SEMA6D: variants seen among roughly 807,000 people sequenced by gnomAD.
SEMA6D encodes semaphorin-6D.
A neutral mutation model predicts 106.6 loss-of-function variants in SEMA6D; 35 were observed. The ratio of observed to expected loss-of-function variants is 0.33; its 90% CI spans 0.25 to 0.44. SEMA6D has a LOEUF of 0.44. Ranked by LOEUF, SEMA6D falls within the 20% of genes least tolerant of loss-of-function variation. The probability of loss-of-function intolerance (pLI) is 1.00; values close to 1 mark genes in which losing one functional copy is unlikely to be tolerated. For synonymous variants in SEMA6D, 499 were observed against 487.7 expected, an observed-to-expected ratio of 1.02 and a Z score of -0.31; for missense variants, 1,185 against 1,345.9, an observed-to-expected ratio of 0.88 and a Z score of 1.87.
intron 1 of SEMA6D, among the ~76,000 whole-genome samples, chr15:47,361,128 C>A (rs1248879983): frequency 6.6e-6 from 1 of 152,216 alleles, no homozygotes; most frequent in South Asian, 2.1e-4. Flanking sequence ...TCTCTTCCTT[C>A]TTCCTTTCTT....
chr15:47,476,832 T>G (rs764755205), intron 3 of SEMA6D, among the ~76,000 whole-genome samples: 10 of 152,160 alleles, frequency 6.6e-5, no homozygotes, highest in Non-Finnish European at 1.3e-4. Context: ...CCCCTGTACT[T>G]CCCTCCTTTT....
intron 1 of SEMA6D, among the ~76,000 whole-genome samples, chr15:47,372,091 T>C (rs1014635136): frequency 2.0e-5 from 3 of 152,188 alleles, no homozygotes; most frequent in African/African-American, 7.2e-5. Context: ...TTCAGTTTCA[T>C]CCCCAGTCCT....
At chr15:47,470,220 TA>T (rs1567102344) in intron 2 of SEMA6D, among the ~76,000 whole-genome samples, 1 of 152,200 alleles carries the variant, frequency 6.6e-6, no homozygotes. Flanking sequence ...TTGTTCCACC[TA>T]ATGGTCTTGC....
intron 3 of SEMA6D, among the ~76,000 whole-genome samples, chr15:47,508,869 A>G (rs956850735): frequency 6.6e-6 from 1 of 152,238 alleles, no homozygotes; most frequent in African/African-American, 2.4e-5. Context: ...AACAGAGATA[A>G]TAAACATTCC....
chr15:47,549,215 A>T (rs1330741741), intron 3 of SEMA6D, among the ~76,000 whole-genome samples: 8 of 152,140 alleles, frequency 5.3e-5, no homozygotes, highest in African/African-American at 1.9e-4. Flanking sequence ...GGGAATGGGG[A>T]TGGAGGCCCC....
At chr15:47,348,727 C>CCACACAGAGAGAGAGAGAGAGAG (rs1555425939) in intron 1 of SEMA6D, among the ~76,000 whole-genome samples, 20 of 57,114 alleles carry the variant, frequency 3.5e-4, no homozygotes, top group Admixed American at 9.6e-4. Context: ...ACCACACACA[C>CCACACAGAGAGAGAGAGAGAGAG]AGAGAGAGAG....
intron 1 of SEMA6D, among the ~76,000 whole-genome samples, chr15:47,221,301 C>G (rs372680455): frequency 6.6e-6 from 1 of 152,236 alleles, no homozygotes; most frequent in African/African-American, 2.4e-5. Flanking sequence ...CCCCATGGCT[C>G]CAGCTCCCCC....
chr15:47,587,818 C>G (rs1258850933), intron 3 of SEMA6D, among the ~76,000 whole-genome samples: 1 of 150,462 alleles, frequency 6.6e-6, no homozygotes, highest in Non-Finnish European at 1.5e-5. Flanking sequence ...TGAGATGTCA[C>G]TTTGACATTT....
intron 1 of SEMA6D, among the ~76,000 whole-genome samples, chr15:47,279,747 A>G (rs1257864576): frequency 2.6e-5 from 4 of 151,942 alleles, no homozygotes; most frequent in Admixed American, 1.3e-4. Flanking sequence ...GGGTTGTTGA[A>G]TTTTGTCAAA....
chr15:47,556,319 T>C (rs2045914792), intron 3 of SEMA6D, among the ~76,000 whole-genome samples: 1 of 152,188 alleles, frequency 6.6e-6, no homozygotes, highest in Admixed American at 6.6e-5. Context: ...ATTTTTCTAG[T>C]TGTAATCATA....
intron 18 of SEMA6D, among the ~76,000 whole-genome samples, chr15:47,769,763 A>T (rs974555598): frequency 1.3e-5 from 2 of 152,294 alleles, no homozygotes; most frequent in Middle Eastern, 3.4e-3. Context: ...CAGTAATTAT[A>T]AACTAATTTG....
At chr15:47,292,748 A>T (rs1359051260) in intron 1 of SEMA6D, among the ~76,000 whole-genome samples, 1 of 152,216 alleles carries the variant, frequency 6.6e-6, no homozygotes, top group African/African-American at 2.4e-5. Flanking sequence ...GACTGGTGTC[A>T]TCCATCCCAG....
intron 2 of SEMA6D, among the ~76,000 whole-genome samples, chr15:47,460,089 G>C (rs757652740): frequency 1.1e-4 from 16 of 151,942 alleles, no homozygotes; most frequent in Non-Finnish European, 2.2e-4. Context: ...GCTAGGTGAG[G>C]TTAAAGTCAT....
At chr15:47,599,108 G>C (rs1199683609) in intron 3 of SEMA6D, among the ~76,000 whole-genome samples, 1 of 152,074 alleles carries the variant, frequency 6.6e-6, no homozygotes, top group Non-Finnish European at 1.5e-5. Flanking sequence ...GAGCAGGCTA[G>C]AGCTCAGGAA....
At chr15:47,486,973 G>A (rs1036654055) in intron 3 of SEMA6D, among the ~76,000 whole-genome samples, 12 of 152,292 alleles carry the variant, frequency 7.9e-5, no homozygotes, top group African/African-American at 2.9e-4. Flanking sequence ...GGCAACTACT[G>A]TGTAACAGGC....
intron 3 of SEMA6D, among the ~76,000 whole-genome samples, chr15:47,495,228 G>C (rs1596150233): frequency 6.6e-6 from 1 of 151,870 alleles, no homozygotes; most frequent in Non-Finnish European, 1.5e-5. Context: ...TGTGTATTCA[G>C]AGAAGGAATG....
At chr15:47,231,313 C>T (rs1236590955) in intron 1 of SEMA6D, among the ~76,000 whole-genome samples, 1 of 151,978 alleles carries the variant, frequency 6.6e-6, no homozygotes, top group East Asian at 1.9e-4. Context: ...ACACCAAAAC[C>T]AGCTTTTCAT....
intron 1 of SEMA6D, among the ~76,000 whole-genome samples, chr15:47,261,481 TCTCAG>T (rs1235909152): frequency 3.3e-5 from 5 of 152,188 alleles, no homozygotes; most frequent in African/African-American, 1.2e-4. Flanking sequence ...ATGCATTTGG[TCTCAG>T]CTCTGTTTTA....
chr15:47,334,640 T>A (rs1007030501), intron 1 of SEMA6D, among the ~76,000 whole-genome samples: 4 of 152,168 alleles, frequency 2.6e-5, no homozygotes, highest in African/African-American at 9.6e-5. Context: ...CCTACACAAT[T>A]GGTGTCAAAA....
Sources: gnomAD v4.1 joint callset for allele counts (sites outside exome capture counted in the v4.1 genomes callset) on GRCh38, gnomAD v4.1.1 for gene constraint, MANE v1.5 for transcripts, NCBI Gene and HGNC (gene_info 2026-07-23, HGNC 2026-07-21) for gene names.